The following NCAM2 variants were observed in gnomAD, a reference collection of about 807,000 sequenced individuals.
The protein encoded by NCAM2 is N-CAM-2.
In NCAM2, 30 loss-of-function variants were observed where a neutral mutation model predicts 98.1. The observed-to-expected ratio is 0.31, with a 90% CI of 0.23 to 0.41. The LOEUF (loss-of-function observed/expected upper bound fraction) is 0.41. Among genes scored for constraint, NCAM2 ranks in the 10% least tolerant of loss-of-function variants. NCAM2 has a pLI of 1.00. For missense variants in NCAM2, 867 were observed against 1,005.8 expected (o/e 0.86, Z 1.87); for synonymous variants, 368 against 342.4 (o/e 1.07, Z -0.83).
intron 1 of NCAM2, among the ~76,000 whole-genome samples, chr21:21,228,039 C>T (rs772260731): frequency 7.3e-5 from 11 of 151,584 alleles, no homozygotes; most frequent in Non-Finnish European, 1.3e-4. Flanking sequence ...GGGAGTGGAA[C>T]ATACAACCCA....
intron 15 of NCAM2, among the ~76,000 whole-genome samples, chr21:21,489,398 C>T (rs988353452): frequency 6.6e-6 from 1 of 151,368 alleles, no homozygotes; most frequent in Non-Finnish European, 1.5e-5. Flanking sequence ...CTGTCTCTTC[C>T]TCCTTTCTCT....
chr21:21,185,840 A>G (rs933214362), intron 1 of NCAM2, among the ~76,000 whole-genome samples: 9 of 152,232 alleles, frequency 5.9e-5, no homozygotes, highest in Admixed American at 5.2e-4. Flanking sequence ...AATTTTCAAT[A>G]TATCATATTG....
chr21:21,387,392 A>C (rs2076293544), intron 9 of NCAM2, among the ~76,000 whole-genome samples: 1 of 152,146 alleles, frequency 6.6e-6, no homozygotes, highest in Non-Finnish European at 1.5e-5. Flanking sequence ...ACAAGCATTC[A>C]GTGAGCTTTC....
At chr21:21,263,033 G>A (rs1323252450) in intron 1 of NCAM2, among the ~76,000 whole-genome samples, 1 of 152,032 alleles carries the variant, frequency 6.6e-6, no homozygotes, top group Non-Finnish European at 1.5e-5. Context: ...TGAGATTTGG[G>A]TGGGGACACA....
At chr21:21,045,999 T>A (rs898631175) in intron 1 of NCAM2, among the ~76,000 whole-genome samples, 2 of 152,214 alleles carry the variant, frequency 1.3e-5, no homozygotes, top group South Asian at 4.1e-4. Context: ...GTTTCTGACT[T>A]TGAGCAAGTT....
At chr21:21,016,971 T>A (rs9975921) in intron 1 of NCAM2, among the ~76,000 whole-genome samples, 70,573 of 151,510 alleles carry the variant, frequency 0.47, 16,976 homozygotes, top group East Asian at 0.75. Context: ...TGTCTAGTCC[T>A]CCAAAAGCTT....
intron 1 of NCAM2, among the ~76,000 whole-genome samples, chr21:21,140,793 T>C (rs918819129): frequency 6.6e-6 from 1 of 152,170 alleles, no homozygotes; most frequent in East Asian, 1.9e-4. Context: ...TGCATGCTAC[T>C]TTTCAAAAAT....
chr21:21,504,317 C>T (rs1055933782), intron 15 of NCAM2, among the ~76,000 whole-genome samples: 2 of 151,770 alleles, frequency 1.3e-5, no homozygotes, highest in Non-Finnish European at 2.9e-5. Flanking sequence ...TGTTTTCCTA[C>T]CTTATAAAGT....
chr21:21,543,006 G>GA lies in NCAM2; in HGVS notation c.*5049_*5050insA, dbSNP rs1569151476. The GA allele has an allele frequency of 1.2e-5, 1 of 82,880 alleles. No homozygotes were observed. The highest frequency in any genetic ancestry group is 2.4e-4 in the East Asian group (1 of 4,122). The allele number at this position is 82,880 out of a possible 1,614,324, so 5.1% of individuals were successfully genotyped here. ...GAAATATGTGAAGTTAGAAATAAAGGTTTTTTTAAAAAAAAAGCTTTTTTG... is the reference window on the plus strand; with the variant it reads ...GAAATATGTGAAGTTAGAAATAAAGGATTTTTTTAAAAAAAAAGCTTTTTTG... On this transcript the variant is annotated 3_prime_UTR_variant, in exon 18 of 18. Transcript: ENST00000400546.
intron 1 of NCAM2, among the ~76,000 whole-genome samples, chr21:21,032,016 A>T (rs2064695246): frequency 6.6e-6 from 1 of 152,170 alleles, no homozygotes; most frequent in Non-Finnish European, 1.5e-5. Context: ...GATAGGTTTT[A>T]TCATTGATTA....
At chr21:21,523,771 A>C (rs1314646046) in intron 16 of NCAM2, among the ~76,000 whole-genome samples, 1 of 148,454 alleles carries the variant, frequency 6.7e-6, no homozygotes, top group African/African-American at 2.4e-5. Flanking sequence ...ACAAATAAAC[A>C]AGTTAAAGAA....
intron 10 of NCAM2, among the ~76,000 whole-genome samples, chr21:21,416,895 A>ATG (rs796422565): frequency 3.8e-4 from 57 of 151,288 alleles, no homozygotes; most frequent in African/African-American, 1.2e-3. Flanking sequence ...ATGTGTGTGG[A>ATG]TGTGTGTGTG....
chr21:21,443,225 A>T (rs932712079), intron 12 of NCAM2, among the ~76,000 whole-genome samples: 1 of 152,136 alleles, frequency 6.6e-6, no homozygotes, highest in Non-Finnish European at 1.5e-5. Context: ...GAGTTGAACA[A>T]TGAGAACACA....
At chr21:21,298,636 A>AGAT (rs1330123896) in intron 5 of NCAM2, among the ~76,000 whole-genome samples, 5 of 149,790 alleles carry the variant, frequency 3.3e-5, no homozygotes, top group Admixed American at 2.0e-4. Flanking sequence ...GATAGATGAT[A>AGAT]GATAGAGATA....
intron 5 of NCAM2, among the ~76,000 whole-genome samples, chr21:21,319,226 A>G (rs1318167018): frequency 6.6e-6 from 1 of 152,248 alleles, no homozygotes; most frequent in Non-Finnish European, 1.5e-5. Context: ...TTAAAATAGC[A>G]ATAAAATTAA....
chr21:21,324,464 C>T lies in NCAM2; in HGVS notation c.701C>T (p.Ala234Val), dbSNP rs770730005. The change falls in exon 6 of 18, where the codon GCC becomes GTC. Residue 234 changes from alanine (A) to valine (V), a missense_variant. Physicochemically the swap from Ala to Val is moderately conservative, Grantham distance 64. This residue lies in a region of NCAM2 where 447 missense variants were observed against 495.7 expected (regional missense o/e 0.90). Transcript: ENST00000400546. ...GAAGAAATGACATTTTCCTGCAGGGCCTCAGGCTCTCCAGAACCCGCCATC... is the reference window on the plus strand; with the variant it reads ...GAAGAAATGACATTTTCCTGCAGGGTCTCAGGCTCTCCAGAACCCGCCATC... ...RGEEMTFSCR[A>V]SGSPEPAISW... 12 of 1,613,372 alleles carry T rather than the reference C, an allele frequency of 7.4e-6. No individual in the cohort carries two copies. The highest frequency in any genetic ancestry group is 2.7e-5 in the African/African-American group (2 of 74,874).
intron 1 of NCAM2, among the ~76,000 whole-genome samples, chr21:21,142,598 C>T: frequency 6.6e-6 from 1 of 151,962 alleles, no homozygotes; most frequent in East Asian, 1.9e-4. Flanking sequence ...CCAGGATGGT[C>T]TTGATCTCCT....
intron 1 of NCAM2, among the ~76,000 whole-genome samples, chr21:21,103,513 AAATT>A (rs2066285590): frequency 6.6e-6 from 1 of 152,124 alleles, no homozygotes; most frequent in Non-Finnish European, 1.5e-5. Context: ...TAAAGTGTAA[AAATT>A]AACAATACAT....
intron 11 of NCAM2, 105 bp downstream of exon 11, chr21:21,418,674 A>G (rs1021279749): frequency 7.2e-6 from 6 of 837,026 alleles, no homozygotes; most frequent in Admixed American, 3.8e-5. Flanking sequence ...ATTTAAAACA[A>G]TGGATCTCTT....
Sources: allele counts gnomAD v4.1 joint callset (sites outside exome capture counted in the v4.1 genomes callset), GRCh38; gene constraint gnomAD v4.1.1; regional missense constraint gnomAD v4.1.1; transcripts MANE v1.5; gene names NCBI Gene and HGNC (gene_info 2026-07-23, HGNC 2026-07-21).